Variants in NPLOC4 observed in about 807,000 individuals in gnomAD.
NPLOC4 encodes nuclear protein localization protein 4 homolog.
Under a neutral mutation model 80.6 loss-of-function variants are expected in NPLOC4, and 18 were observed. The observed-to-expected ratio is 0.22, with a 90% CI of 0.15 to 0.33. The LOEUF (loss-of-function observed/expected upper bound fraction) is 0.33, where lower values mean the gene tolerates loss of function less well. Ranked by LOEUF, NPLOC4 falls within the 10% of genes least tolerant of loss-of-function variation. NPLOC4 has a pLI of 1.00. For synonymous variants in NPLOC4, 313 were observed against 301.5 expected, an observed-to-expected ratio of 1.04 and a Z score of -0.39; for missense variants, 540 against 786.1, an observed-to-expected ratio of 0.69 and a Z score of 3.74.
chr17:81,600,273 T>A, intron 9 of NPLOC4, 68 bp downstream of exon 9: 1 of 1,141,202 alleles, frequency 8.8e-7, no homozygotes, highest in South Asian at 1.3e-5. Flanking sequence ...CTCTCCCAAC[T>A]CCCCCTGGCC....
intron 3 of NPLOC4, among the ~76,000 whole-genome samples, chr17:81,616,331 A>AT (rs2035485558): frequency 6.8e-6 from 1 of 147,184 alleles, no homozygotes; most frequent in Non-Finnish European, 1.5e-5. Flanking sequence ...AAAAAAAAAA[A>AT]AAAAAAAGAA....
intron 3 of NPLOC4, among the ~76,000 whole-genome samples, 184 bp downstream of exon 3, chr17:81,621,982 T>C (rs960603144): frequency 1.3e-5 from 2 of 152,202 alleles, no homozygotes; most frequent in African/African-American, 2.4e-5. Flanking sequence ...TGCTCAATGG[T>C]AACTGCAGAT....
chr17:81,595,446 C>T (rs1383616899), intron 11 of NPLOC4, among the ~76,000 whole-genome samples: 1 of 143,130 alleles, frequency 7.0e-6, no homozygotes, highest in East Asian at 2.0e-4. Flanking sequence ...AAAAAAAACC[C>T]GTTTTGCTTT....
In NPLOC4 at chr17:81,610,929, G is replaced by A. The variant is rs1461994647; in HGVS notation, c.387-671C>T. On this transcript the variant is annotated intron_variant, in intron 4 of 16. Coordinates refer to ENST00000331134, the MANE Select transcript of NPLOC4 (RefSeq NM_017921.4). The stretch of plus-strand genomic sequence containing the variant: ...ATTGCGCCACTGCAGTCCGCAGTCC[G>A]GCCTGGGCGACAGAGCGAGACTCCG... 9.1e-5 allele frequency among the ~76,000 whole-genome samples: 3 copies of A among 33,030 alleles called. No individual in the cohort carries two copies. In the East Asian group the frequency reaches 1.0e-3, roughly 11 times the overall value. The allele number at this position is 33,030 out of a possible 152,430, so 21.7% of individuals were successfully genotyped here.
At chr17:81,588,695 C>T (rs772520186) in intron 12 of NPLOC4, among the ~76,000 whole-genome samples, 1 of 152,216 alleles carries the variant, frequency 6.6e-6, no homozygotes, top group Non-Finnish European at 1.5e-5. Context: ...TTGCAATGGT[C>T]GGATTTGGTG....
At chr17:81,604,931 C>T (rs2035159419) in intron 7 of NPLOC4, among the ~76,000 whole-genome samples, 1 of 152,102 alleles carries the variant, frequency 6.6e-6, no homozygotes. Flanking sequence ...TCAAGTCCAG[C>T]CTGGGTGACA....
rs561945260 is a variant in NPLOC4 at position 81,572,091 on chromosome 17, G to A, written c.1282-3C>T. ...TCGTTGCCAAACTTGTCTACGTCCT[G>A]CAATAGTCAGAGGGGAACAGCGGTG... is the stretch of plus-strand genomic sequence containing the variant. On this transcript the variant is annotated splice_polypyrimidine_tract_variant and splice_region_variant and intron_variant, in intron 12 of 16. Transcript: ENST00000331134. This position sits in a 1 kb window ranked among gnomAD's most constrained non-coding sequence, Gnocchi z 4.5. The A allele has an allele frequency of 3.7e-6, 6 of 1,606,642 alleles. No homozygotes were observed. In the South Asian group the frequency reaches 5.6e-5, roughly 15 times the overall value.
In NPLOC4 at chr17:81,585,104, A is replaced by G. The variant is rs568821674; in HGVS notation, c.1281+3840T>C. On this transcript the variant is annotated intron_variant, in intron 12 of 16. Transcript: ENST00000331134. ...AGAATTGCTTGAACCCGGGAGGCGG[A>G]GGTTGCAGTGATCTGAGATCGCACC... 6.2e-3 allele frequency among the ~76,000 whole-genome samples: 764 copies of G among 124,172 alleles called. 13 individuals carry two copies. The highest frequency in any genetic ancestry group is 0.022 in the African/African-American group (735 of 33,560). The allele number at this position is 124,172 out of a possible 152,430, so 81.5% of individuals were successfully genotyped here.
At chr17:81,568,655 G>A (rs189371295) in intron 14 of NPLOC4, among the ~76,000 whole-genome samples, 212 of 152,384 alleles carry the variant, frequency 1.4e-3, no homozygotes, top group Middle Eastern at 0.01. Context: ...GGCCGAGAGG[G>A]GCCACACAGC....
At chr17:81,603,601 A>G (rs1185427114) in intron 8 of NPLOC4, among the ~76,000 whole-genome samples, 1 of 152,202 alleles carries the variant, frequency 6.6e-6, no homozygotes, top group Non-Finnish European at 1.5e-5. Flanking sequence ...TCTCTAAAAA[A>G]TAAATAAATA....
rs1312538089 is a variant in NPLOC4, at chr17:81,557,971, A to T, written c.*1288T>A. On this transcript the variant is annotated 3_prime_UTR_variant, in exon 17 of 17. Transcript: ENST00000331134. The stretch of plus-strand genomic sequence containing the variant: ...TGGGCTTACCCCCCAGGATGGACAC[A>T]GAAGTCCCTAAGCAGTCTGCAGCTG... 2 of 152,782 alleles carry T rather than the reference A, an allele frequency of 1.3e-5. No individual in the cohort carries two copies. Among genetic ancestry groups the T allele is most frequent in the African/African-American group, 2.4e-5 (1 of 41,480 alleles). 9.5% of individuals were successfully genotyped at this position (152,782 alleles called of 1,614,324 possible).
At chr17:81,599,563 C>G (rs187621323) in intron 9 of NPLOC4, among the ~76,000 whole-genome samples, 1 of 152,218 alleles carries the variant, frequency 6.6e-6, no homozygotes, top group African/African-American at 2.4e-5. Flanking sequence ...CATTTGCAGT[C>G]TCACCCGCTT....
chr17:81,595,078 T>C (rs1398791755), intron 11 of NPLOC4, among the ~76,000 whole-genome samples: 1 of 152,170 alleles, frequency 6.6e-6, no homozygotes, highest in East Asian at 1.9e-4. Flanking sequence ...TTTATTTTTG[T>C]AGAGATGGGG....
chr17:81,597,508 G>A (rs1205313272), intron 9 of NPLOC4, among the ~76,000 whole-genome samples, 192 bp from the exon 10 acceptor site: 3 of 152,140 alleles, frequency 2.0e-5, no homozygotes, highest in Non-Finnish European at 4.4e-5. Context: ...AATTAGGCCG[G>A]GTGCGGTGGC....
At position 81,578,132 on chromosome 17, in the gene NPLOC4, C is replaced by T. The variant is rs555648551; in HGVS notation, c.1282-6044G>A. Among the ~76,000 whole-genome samples the T allele has an allele frequency of 4.6e-5, 7 of 152,326 alleles. No homozygotes were observed. In the East Asian group the frequency reaches 1.2e-3, roughly 25 times the overall value. ...AAAAGCTTCCCGCCTCCAGACCACC[C>T]CTCCTGACACCTCCAGCAGGAACAT... On this transcript the variant is annotated intron_variant, in intron 12 of 16. Transcript: ENST00000331134.
chr17:81,613,803 C>T (rs553330769), intron 3 of NPLOC4, among the ~76,000 whole-genome samples: 10 of 152,142 alleles, frequency 6.6e-5, no homozygotes, highest in African/African-American at 1.9e-4. Flanking sequence ...GTTTCAGGGC[C>T]TCTCCTCCCG....
At position 81,559,295 on chromosome 17, in the gene NPLOC4, T is replaced by C; in HGVS notation, c.1791A>G (p.Thr597=). The change falls in exon 17 of 17, where the codon ACA becomes ACG. Residue 597 remains threonine (T), a synonymous_variant. Coordinates refer to ENST00000331134, the MANE Select transcript of NPLOC4 (RefSeq NM_017921.4). ...GGAGGCTGCACATCTCGCAGTGGCC[T>C]GTGCCTGGCTGGTTCATGAACGTGC... ...QHCTFMNQPG[T]GHCEMCSLPR... 1 of 1,605,838 alleles carries C rather than the reference T, an allele frequency of 6.2e-7. No individual in the cohort carries two copies. The highest frequency in any genetic ancestry group is 8.5e-7 in the Non-Finnish European group (1 of 1,176,634).
In NPLOC4 at chr17:81,629,587, T is replaced by G. The variant is rs562135345; in HGVS notation, c.96+138A>C. 60 of 663,792 alleles carry G rather than the reference T, an allele frequency of 9.0e-5. No individual in the cohort carries two copies. The South Asian group carries it at 1.0e-3, about 11-fold the overall frequency. 41.1% of individuals were successfully genotyped at this position (663,792 alleles called of 1,614,324 possible). A position where few individuals can be genotyped will look rare whatever the true frequency, so the allele number is the denominator to read the frequency against. Reference sequence around the variant, plus strand: ...TCATCCTATAGCAATCCAACCCAACTGTGATAGAGAAAGGCAATGCAAGAG... The same window carrying G: ...TCATCCTATAGCAATCCAACCCAACGGTGATAGAGAAAGGCAATGCAAGAG... On this transcript the variant is annotated intron_variant, in intron 2 of 16. Transcript: ENST00000331134.
chr17:81,586,793 A>C (rs2034591978), intron 12 of NPLOC4, among the ~76,000 whole-genome samples: 1 of 152,252 alleles, frequency 6.6e-6, no homozygotes, highest in African/African-American at 2.4e-5. Flanking sequence ...CCAGGCTCTC[A>C]GATGGCACCC....
Sources: allele counts gnomAD v4.1 joint callset (sites outside exome capture counted in the v4.1 genomes callset), GRCh38; gene constraint gnomAD v4.1.1; non-coding constraint Gnocchi (gnomAD v3.1); transcripts MANE v1.5; gene names NCBI Gene and HGNC (gene_info 2026-07-23, HGNC 2026-07-21).